The following ANKRD26 variants were observed in gnomAD, a reference collection of about 807,000 sequenced individuals.
ANKRD26 encodes ankyrin repeat domain-containing protein 26.
A neutral mutation model predicts 208.7 loss-of-function variants in ANKRD26; 141 were observed. The ratio of observed to expected loss-of-function variants is 0.68; its 90% CI spans 0.59 to 0.78. ANKRD26 has a LOEUF of 0.78. Among genes scored for constraint, ANKRD26 ranks in the 30% least tolerant of loss-of-function variants. The pLI is 0.00. For synonymous variants in ANKRD26, 636 were observed against 660.4 expected (o/e 0.96, Z 0.57); for missense variants, 1,889 against 1,938.7 (o/e 0.97, Z 0.48).
chr10:27,058,852 AG>A (rs1208397269), intron 15 of ANKRD26, among the ~76,000 whole-genome samples: 1 of 151,994 alleles, frequency 6.6e-6, no homozygotes, highest in Non-Finnish European at 1.5e-5. Flanking sequence ...CAAGGATTAT[AG>A]GCGTGAGGCA....
intron 19 of ANKRD26, 40 bp from the exon 20 acceptor site, chr10:27,043,607 T>C (rs768311888): frequency 1.3e-6 from 2 of 1,577,062 alleles, no homozygotes. Flanking sequence ...GTCCCCAGAA[T>C]ATTTATAGCA....
At chr10:26,995,884 G>T (rs1237014607) in intron 4 of ANKRD26, among the ~76,000 whole-genome samples, 3 of 152,126 alleles carry the variant, frequency 2.0e-5, no homozygotes, top group Non-Finnish European at 4.4e-5. Flanking sequence ...GAAAAATTGG[G>T]TCCTCTAAAT....
intron 3 of ANKRD26, among the ~76,000 whole-genome samples, chr10:27,093,066 G>A (rs2056351310): frequency 6.6e-6 from 1 of 151,620 alleles, no homozygotes; most frequent in African/African-American, 2.4e-5. Flanking sequence ...TTTAGACTGG[G>A]AGACAGAGCA....
intron 18 of ANKRD26, 181 bp downstream of exon 18, chr10:27,046,172 C>A: frequency 1.5e-6 from 1 of 672,482 alleles, no homozygotes; most frequent in Non-Finnish European, 2.5e-6. Flanking sequence ...ATAGTCAGGG[C>A]TCCATGGTGA....
At chr10:27,031,687 C>G (rs1245314515) in intron 25 of ANKRD26, among the ~76,000 whole-genome samples, 1 of 152,092 alleles carries the variant, frequency 6.6e-6, no homozygotes, top group Admixed American at 6.5e-5. Context: ...AATGAGTGAA[C>G]TGTATGGTAT....
downstream of ANKRD26, among the ~76,000 whole-genome samples, chr10:26,987,571 A>T (rs2052411947): frequency 6.6e-6 from 1 of 152,170 alleles, no homozygotes; most frequent in Non-Finnish European, 1.5e-5. Context: ...TCTCAGCATT[A>T]TCCAGTGGCA....
downstream of ANKRD26, among the ~76,000 whole-genome samples, chr10:26,973,271 T>C (rs1256807152): frequency 2.6e-5 from 4 of 152,180 alleles, no homozygotes; most frequent in African/African-American, 9.6e-5. Context: ...TTTATCCATT[T>C]TGAGTCTATT....
At chr10:27,097,310 C>A (rs2056499685) in intron 1 of ANKRD26, among the ~76,000 whole-genome samples, 2 of 121,356 alleles carry the variant, frequency 1.6e-5, no homozygotes, top group East Asian at 4.4e-4. Context: ...CCTGTCTCTA[C>A]TAGAAATACA....
downstream of ANKRD26, among the ~76,000 whole-genome samples, chr10:27,001,539 G>T (rs753568573): frequency 2.6e-5 from 4 of 152,174 alleles, no homozygotes; most frequent in Non-Finnish European, 5.9e-5. Flanking sequence ...GTTAGACCAG[G>T]TATGCTATTT....
At chr10:27,040,672 T>C (rs983370121) in intron 20 of ANKRD26, among the ~76,000 whole-genome samples, 2 of 152,126 alleles carry the variant, frequency 1.3e-5, no homozygotes, top group Non-Finnish European at 2.9e-5. Context: ...ACAAAATACA[T>C]GAAACAACGA....
intron 5 of ANKRD26, among the ~76,000 whole-genome samples, chr10:27,086,183 TAGA>T (rs1180832766): frequency 1.3e-5 from 2 of 152,150 alleles, no homozygotes; most frequent in African/African-American, 4.8e-5. Flanking sequence ...AAAAATTAAA[TAGA>T]AGATCCATTT....
chr10:26,977,796 C>T (rs1455094181), intron 5 of ANKRD26, among the ~76,000 whole-genome samples: 2 of 152,174 alleles, frequency 1.3e-5, no homozygotes, highest in African/African-American at 2.4e-5. Flanking sequence ...ACAAACTATA[C>T]CTTCAGGGCA....
the ANKRD26 span, among the ~76,000 whole-genome samples, chr10:26,959,375 C>G: frequency 2.0e-5 from 3 of 151,414 alleles, no homozygotes; most frequent in Non-Finnish European, 4.4e-5. Context: ...ATGACAATAT[C>G]AAAAGGAATT....
At chr10:26,987,473 A>G (rs1172564514), downstream of ANKRD26, among the ~76,000 whole-genome samples, 1 of 152,202 alleles carries the variant, frequency 6.6e-6, no homozygotes, top group Admixed American at 6.5e-5. Flanking sequence ...ACCAGCTTCA[A>G]TTACCTCTAA....
At chr10:27,006,741 A>C (rs2052898448) in intron 33 of ANKRD26, among the ~76,000 whole-genome samples, 176 bp downstream of exon 33, 1 of 152,164 alleles carries the variant, frequency 6.6e-6, no homozygotes, top group Admixed American at 6.5e-5. Flanking sequence ...AAGTAAGTAT[A>C]CTCTTCACTA....
In ANKRD26 at chr10:27,004,927, T is replaced by C. The variant is rs2052817638; in HGVS notation, c.*663A>G. ...CTGTAGTTATGTAGAATGTCCTGAC[T>C]TGTAGGAATGCCCACTAAAGTAATC... On this transcript the variant is annotated 3_prime_UTR_variant, in exon 34 of 34. Coordinates refer to ENST00000376087, the MANE Select transcript of ANKRD26 (RefSeq NM_014915.3). The C allele has an allele frequency of 1.8e-6, 1 of 546,972 alleles. No individual in the cohort carries two copies. The highest frequency in any genetic ancestry group is 8.0e-5 in the South Asian group (1 of 12,432). The allele number at this position is 546,972 out of a possible 1,614,324, so 33.9% of individuals were successfully genotyped here.
rs186127454 is a variant in ANKRD26, at chr10:27,053,480, T to A, written c.1565-90A>T. 6 of 896,384 alleles carry A rather than the reference T, an allele frequency of 6.7e-6. No individual in the cohort carries two copies. The African/African-American group carries it at 1.0e-4, about 15-fold the overall frequency. 55.5% of individuals were successfully genotyped at this position (896,384 alleles called of 1,614,324 possible). A position where few individuals can be genotyped will look rare whatever the true frequency, so the allele number is the denominator to read the frequency against. ...TTACAGAAATAGAAAATAATATTTA[T>A]TTTATTTTATAAATCGAGAGGGTTT... is the stretch of plus-strand genomic sequence containing the variant. On this transcript the variant is annotated intron_variant, in intron 15 of 33. Transcript: ENST00000376087.
chr10:27,014,848 G>A, intron 30 of ANKRD26, 137 bp from the exon 31 acceptor site: 1 of 687,514 alleles, frequency 1.5e-6, no homozygotes. Context: ...AGCAGGCATT[G>A]GTCAAAGAGA....
In ANKRD26 at chr10:27,051,885, C is replaced by G. The variant is rs950764535; in HGVS notation, c.1635+1435G>C. The G allele has an allele frequency of 9.1e-6, 9 of 985,238 alleles. No individual in the cohort carries two copies. The African/African-American group carries it at 1.6e-4, about 17-fold the overall frequency. The allele number at this position is 985,238 out of a possible 1,614,324, so 61.0% of individuals were successfully genotyped here. On this transcript the variant is annotated intron_variant, in intron 16 of 33. Transcript: ENST00000376087. ...AATTTTGTATTTTTCACAAGTTTCACCACAGCTCTGCTTTAACTCATTTGT... is the reference window on the plus strand; with the variant it reads ...AATTTTGTATTTTTCACAAGTTTCAGCACAGCTCTGCTTTAACTCATTTGT...
Sources: allele counts gnomAD v4.1 joint callset (sites outside exome capture counted in the v4.1 genomes callset), GRCh38; gene constraint gnomAD v4.1.1; transcripts MANE v1.5; gene names NCBI Gene and HGNC (gene_info 2026-07-23, HGNC 2026-07-21).